Variants in KLRG1 observed in about 807,000 individuals in gnomAD.
The protein encoded by KLRG1 is killer cell lectin-like receptor subfamily G member 1.
KLRG1 carries 16 observed loss-of-function variants against 21.8 expected under a neutral mutation model. That is an observed-to-expected ratio of 0.73 (90% confidence interval 0.50 to 1.11). KLRG1 has a LOEUF of 1.11. Among genes scored for constraint, KLRG1 ranks in the 50% most tolerant of loss-of-function variants. The pLI is 0.00. For synonymous variants in KLRG1, 69 were observed against 75.9 expected (o/e 0.91, Z 0.47); for missense variants, 173 against 218.3 (o/e 0.79, Z 1.31).
the KLRG1 span, chr12:9,151,566 C>G: frequency 6.4e-7 from 1 of 1,568,140 alleles, no homozygotes; most frequent in African/African-American, 1.4e-5. Flanking sequence ...AGAAAGACGA[C>G]CCATATGTAG....
intron 1 of KLRG1, among the ~76,000 whole-genome samples, chr12:8,972,545 C>G (rs946275610): frequency 6.6e-6 from 1 of 152,194 alleles, no homozygotes; most frequent in Admixed American, 6.5e-5. Context: ...CTGGTTTTCC[C>G]AACACCATTT....
the KLRG1 span, among the ~76,000 whole-genome samples, chr12:9,076,403 T>C: frequency 1.3e-5 from 2 of 152,224 alleles, no homozygotes; most frequent in Non-Finnish European, 2.9e-5. Context: ...CAAGCTCACA[T>C]AGGTAGCACA....
the KLRG1 span, chr12:9,160,562 GC>G: frequency 7.2e-7 from 1 of 1,385,474 alleles, no homozygotes. Context: ...AACAAAAATG[GC>G]CTTTATATTC....
At chr12:9,192,439 G>T in the KLRG1 span, 1 of 1,421,594 alleles carries the variant, frequency 7.0e-7, no homozygotes, top group Non-Finnish European at 9.9e-7. Context: ...AGTTTATTTT[G>T]ACATTCCTGA....
chr12:9,157,328 A>G, the KLRG1 span: 1 of 1,613,996 alleles, frequency 6.2e-7, no homozygotes, highest in Middle Eastern at 1.7e-4. Context: ...GACTCCAGGC[A>G]GAACAGGGCA....
the KLRG1 span, chr12:9,079,540 C>G: frequency 8.3e-7 from 1 of 1,202,078 alleles, no homozygotes; most frequent in South Asian, 1.5e-5. Flanking sequence ...TCATAGTGAG[C>G]TAAGCTAATG....
chr12:9,147,819 A>G, the KLRG1 span, among the ~76,000 whole-genome samples: 1 of 152,190 alleles, frequency 6.6e-6, no homozygotes, highest in Non-Finnish European at 1.5e-5. Context: ...TTAGCAAAAT[A>G]TCTTATAGCC....
chr12:9,149,014 G>GT, the KLRG1 span: 3 of 1,606,962 alleles, frequency 1.9e-6, no homozygotes, highest in Non-Finnish European at 2.6e-6. Context: ...AAAGAAAAAC[G>GT]TAAGGAGGTT....
At chr12:9,079,198 A>C in the KLRG1 span, 3 of 1,468,344 alleles carry the variant, frequency 2.0e-6, no homozygotes, top group African/African-American at 4.2e-5. Flanking sequence ...TACATGTAAA[A>C]GAGCTGGCAC....
At chr12:9,196,265 C>T in the KLRG1 span, 3 of 1,106,680 alleles carry the variant, frequency 2.7e-6, no homozygotes, top group South Asian at 4.2e-5. Context: ...TGGGCTGCAT[C>T]ATTGTGTCCT....
At chr12:9,043,286 C>G in the KLRG1 span, among the ~76,000 whole-genome samples, 2 of 152,238 alleles carry the variant, frequency 1.3e-5, no homozygotes, top group Admixed American at 1.3e-4. Flanking sequence ...CCATGTTGGC[C>G]AGGCTAGTCT....
chr12:9,113,336 A>T, the KLRG1 span: 1 of 1,610,636 alleles, frequency 6.2e-7, no homozygotes, highest in Non-Finnish European at 8.5e-7. Flanking sequence ...AACCAAGTAT[A>T]TTAAGTCAAA....
chr12:9,072,978 C>T, the KLRG1 span: 1 of 778,870 alleles, frequency 1.3e-6, no homozygotes, highest in South Asian at 1.8e-5. Context: ...CTACTTCCCT[C>T]ACTACTTAAA....
At chr12:9,075,174 A>G in the KLRG1 span, among the ~76,000 whole-genome samples, 1 of 152,350 alleles carries the variant, frequency 6.6e-6, no homozygotes, top group South Asian at 2.1e-4. Context: ...CACAGATCAC[A>G]TGAAATAGTA....
At chr12:9,110,097 T>A in the KLRG1 span, 2 of 1,532,508 alleles carry the variant, frequency 1.3e-6, no homozygotes, top group Non-Finnish European at 1.8e-6. Context: ...TAATAAAAGA[T>A]ATCTATGGAA....
the KLRG1 span, among the ~76,000 whole-genome samples, chr12:9,214,423 A>C: frequency 6.6e-6 from 1 of 151,962 alleles, no homozygotes; most frequent in East Asian, 1.9e-4. Flanking sequence ...CAATTTGGGG[A>C]CTATCTTTGT....
chr12:9,173,857 G>T, the KLRG1 span, among the ~76,000 whole-genome samples: 1 of 152,036 alleles, frequency 6.6e-6, no homozygotes, highest in African/African-American at 2.4e-5. Flanking sequence ...ACCAAAAAAA[G>T]CCCAGGACCA....
intron 1 of KLRG1, chr12:8,971,088 A>G (rs1946559403): frequency 6.6e-6 from 1 of 152,176 alleles, no homozygotes; most frequent in South Asian, 2.1e-4. Flanking sequence ...GTTTGGTATC[A>G]GAGTCATAAT....
At chr12:9,149,013 C>T in the KLRG1 span, 34 of 1,607,364 alleles carry the variant, frequency 2.1e-5, no homozygotes, top group South Asian at 8.8e-5. Context: ...AAAAGAAAAA[C>T]GTAAGGAGGT....
Sources: gnomAD v4.1 joint callset for allele counts (sites outside exome capture counted in the v4.1 genomes callset) on GRCh38, gnomAD v4.1.1 for gene constraint, MANE v1.5 for transcripts, NCBI Gene and HGNC (gene_info 2026-07-23, HGNC 2026-07-21) for gene names.